Variants in TPM3 observed in about 807,000 individuals in gnomAD.
The protein encoded by TPM3 is tropomyosin alpha-3 chain.
Under a neutral mutation model 43.1 loss-of-function variants are expected in TPM3, and 16 were observed. The ratio of observed to expected loss-of-function variants is 0.37; its 90% CI spans 0.25 to 0.56. The LOEUF (loss-of-function observed/expected upper bound fraction) is 0.56. Among genes scored for constraint, TPM3 ranks in the 20% least tolerant of loss-of-function variants. The pLI is 0.77. For missense variants in TPM3, 176 were observed against 337.2 expected, an observed-to-expected ratio of 0.52 and a Z score of 3.74; for synonymous variants, 101 against 116.9, an observed-to-expected ratio of 0.86 and a Z score of 0.88.
In TPM3 at chr1:154,166,840, G is replaced by A. The variant is rs886045310; in HGVS notation, c.*1097C>T. On this transcript the variant is annotated 3_prime_UTR_variant, in exon 10 of 10. Transcript: ENST00000651641. ...GGGATTACAGGCACCCACCCACCAT[G>A]CCCAGCTAATTTTTGTATTTTTAGT... 10 of 294,762 alleles carry A rather than the reference G, an allele frequency of 3.4e-5. No individual in the cohort carries two copies. The highest frequency in any genetic ancestry group is 6.5e-5 in the Admixed American group (1 of 15,386). 18.3% of individuals were successfully genotyped at this position (294,762 alleles called of 1,614,324 possible). A position where few individuals can be genotyped will look rare whatever the true frequency, so the allele number is the denominator to read the frequency against.
chr1:154,161,483 T>C (rs1310525916), downstream of TPM3, among the ~76,000 whole-genome samples: 1 of 149,780 alleles, frequency 6.7e-6, no homozygotes, highest in Admixed American at 6.7e-5. Flanking sequence ...TTGCCCAGGT[T>C]GGAGTGCAAT....
At chr1:154,183,291 G>A in intron 2 of TPM3, 1 of 1,503,958 alleles carries the variant, frequency 6.6e-7, no homozygotes, top group Non-Finnish European at 8.9e-7. Context: ...AGGCGGGAAG[G>A]CAGTCCACTG....
rs754427205 is a variant in TPM3, at chr1:154,172,003, C to G, written c.567-515G>C. ...AACAAAACCACACCACATATATAACCTTGCTGTGGGCTTAATGGTTAGTAC... is the reference window on the plus strand; with the variant it reads ...AACAAAACCACACCACATATATAACGTTGCTGTGGGCTTAATGGTTAGTAC... On this transcript the variant is annotated intron_variant, in intron 5 of 9. Transcript: ENST00000651641. 1.1e-5 allele frequency: 17 copies of G among 1,612,448 alleles called. No individual in the cohort carries two copies. In the East Asian group the frequency reaches 3.6e-4, roughly 34 times the overall value.
At position 154,167,796 on chromosome 1, in the gene TPM3, A is replaced by C; in HGVS notation, c.*141T>G. ...TTGGGGTGGGGGTGGAAGAAAATACATAAGTTGCTTTTTGCTCCCCCATCC... is the reference window on the plus strand; with the variant it reads ...TTGGGGTGGGGGTGGAAGAAAATACCTAAGTTGCTTTTTGCTCCCCCATCC... On this transcript the variant is annotated 3_prime_UTR_variant, in exon 10 of 10. Transcript: ENST00000651641. 1 of 1,579,274 alleles carries C rather than the reference A, an allele frequency of 6.3e-7. No individual in the cohort carries two copies. Among genetic ancestry groups the C allele is most frequent in the South Asian group, 1.1e-5 (1 of 88,252 alleles).
intron 9 of TPM3, among the ~76,000 whole-genome samples, chr1:154,168,783 C>T (rs1453930939): frequency 6.6e-6 from 1 of 152,092 alleles, no homozygotes; most frequent in Non-Finnish European, 1.5e-5. Context: ...ACCTCAGCCT[C>T]CCAAAGTGCT....
intron 6 of TPM3, 45 bp downstream of exon 6, chr1:154,171,368 G>A (rs896300878): frequency 1.9e-6 from 3 of 1,604,348 alleles, no homozygotes; most frequent in Non-Finnish European, 2.6e-6. Flanking sequence ...GGGCAGGGCT[G>A]GGCCCAGGCC....
At chr1:154,157,539 T>TA, downstream of TPM3, 5 of 765,518 alleles carry the variant, frequency 6.5e-6, no homozygotes, top group East Asian at 2.4e-5. Flanking sequence ...GCCTTCCAGT[T>TA]AAAGATCAGC....
chr1:154,160,243 G>A (rs1352541722), downstream of TPM3, among the ~76,000 whole-genome samples: 1 of 151,988 alleles, frequency 6.6e-6, no homozygotes, highest in East Asian at 1.9e-4. Flanking sequence ...TCACAAATAA[G>A]TTTCTCCCTA....
chr1:154,183,324 T>G (rs1663198215), intron 2 of TPM3: 1 of 1,467,004 alleles, frequency 6.8e-7, no homozygotes. Context: ...CGGCAGGGAG[T>G]GGATCCTCCC....
At chr1:154,189,993 G>C (rs1288603036) in intron 2 of TPM3, among the ~76,000 whole-genome samples, 1 of 152,108 alleles carries the variant, frequency 6.6e-6, no homozygotes, top group Non-Finnish European at 1.5e-5. Flanking sequence ...CCAGGCTAGA[G>C]TGCAGTGGTA....
chr1:154,171,420 G>C lies in TPM3; in HGVS notation c.635C>G (p.Ala212Gly), dbSNP rs1138355. ...TNNLKSLEAQ[A>G]EKYSQKEDKY... ...TCACAAACCAGCCCCTACCTTCTCC[G>C]CCTGAGCCTCAAGAGACTTGAGGTT... Residue 212 changes from alanine (A) to glycine (G), a missense_variant, in exon 6 of 10, where the codon GCG becomes GGG. Physicochemically the swap from Ala to Gly is moderately conservative, Grantham distance 60 (BLOSUM62 0). Around this residue, in one of 4 missense-constraint regions of TPM3, gnomAD observed 53 missense variants for 98.3 expected, o/e 0.54. Coordinates refer to ENST00000651641, the MANE Select transcript of TPM3 (RefSeq NM_152263.4). 24 of 1,614,024 alleles carry C rather than the reference G, an allele frequency of 1.5e-5. No individual in the cohort carries two copies. The highest frequency in any genetic ancestry group is 1.7e-5 in the Non-Finnish European group (20 of 1,179,996).
Position 154,165,043 on chromosome 1 carries a change from C to A in TPM3, c.*2894G>T, listed in dbSNP as rs1326430745. Among the ~76,000 whole-genome samples the A allele has an allele frequency of 6.6e-6, 1 of 152,142 alleles. No individual in the cohort carries two copies. Among genetic ancestry groups the A allele is most frequent in the Non-Finnish European group, 1.5e-5 (1 of 68,022 alleles). On this transcript the variant is annotated 3_prime_UTR_variant, in exon 10 of 10. Transcript: ENST00000651641. ...AAATCTACCTTTAGAGCTATTGTGG[C>A]CTTCTCATCTCTATCAATGCCTTTA... is the stretch of plus-strand genomic sequence containing the variant.
At chr1:154,185,693 G>A (rs1345216833) in intron 2 of TPM3, among the ~76,000 whole-genome samples, 1 of 149,554 alleles carries the variant, frequency 6.7e-6, no homozygotes, top group Non-Finnish European at 1.5e-5. Flanking sequence ...CTGGGTGACA[G>A]AGTGAGACAC....
intron 1 of TPM3, chr1:154,191,688 C>G: frequency 4.1e-6 from 6 of 1,471,738 alleles, no homozygotes; most frequent in Non-Finnish European, 5.4e-6. Context: ...TTAAATTCAG[C>G]AGACATACTG....
chr1:154,179,219 G>A (rs972871299), intron 2 of TPM3, among the ~76,000 whole-genome samples: 1 of 152,202 alleles, frequency 6.6e-6, no homozygotes, highest in Admixed American at 6.5e-5. Context: ...GTGTCCTTGG[G>A]GAATTTAAAC....
rs1042371422 is a variant in TPM3 at position 154,163,259 on chromosome 1, A to G, written c.*4678T>C. Among the ~76,000 whole-genome samples the G allele has an allele frequency of 1.3e-5, 2 of 152,228 alleles. No individual in the cohort carries two copies. Among genetic ancestry groups the G allele is most frequent in the Non-Finnish European group, 2.9e-5 (2 of 68,032 alleles). ...CTACAATGAAATACAATTAAATTTT[A>G]GCCCCTCAGCCACACTAGCCATGTT... On this transcript the variant is annotated 3_prime_UTR_variant, in exon 10 of 10. Transcript: ENST00000651641.
At chr1:154,188,995 G>A (rs1663544209) in intron 2 of TPM3, among the ~76,000 whole-genome samples, 1 of 151,532 alleles carries the variant, frequency 6.6e-6, no homozygotes, top group Admixed American at 6.6e-5. Context: ...ACCCGGGCAT[G>A]GTGGCAGCTG....
At chr1:154,158,476 A>C (rs569104446), downstream of TPM3, 1 of 268,492 alleles carries the variant, frequency 3.7e-6, no homozygotes, top group African/African-American at 2.2e-5. Flanking sequence ...AAAATACTCA[A>C]ATCTTCAACT....
rs1340776404 is a variant in TPM3 at position 154,167,855 on chromosome 1, T to G, written c.*82A>C. Reference sequence around the variant, plus strand: ...TGGGGACCAGCCAGGCTGACCCAAATGGAATCCAGAGCGAGAGTGGGGCCT... The same window carrying G: ...TGGGGACCAGCCAGGCTGACCCAAAGGGAATCCAGAGCGAGAGTGGGGCCT... On this transcript the variant is annotated 3_prime_UTR_variant, in exon 10 of 10. Transcript: ENST00000651641. The G allele has an allele frequency of 2.5e-6, 4 of 1,613,332 alleles. No individual in the cohort carries two copies. Among genetic ancestry groups the G allele is most frequent in the South Asian group, 2.2e-5 (2 of 91,072 alleles).
Sources: gnomAD v4.1 joint callset for allele counts (sites outside exome capture counted in the v4.1 genomes callset) on GRCh38, gnomAD v4.1.1 for gene constraint, gnomAD v4.1.1 regional missense constraint, MANE v1.5 for transcripts, NCBI Gene and HGNC (gene_info 2026-07-23, HGNC 2026-07-21) for gene names.